Variants in C5AR2 observed in about 807,000 individuals in gnomAD.
C5AR2 encodes the protein C5a anaphylatoxin chemotactic receptor 2.
For synonymous variants in C5AR2, 224 were observed against 216.5 expected, an observed-to-expected ratio of 1.03 and a Z score of -0.30; for missense variants, 458 against 467.5, an observed-to-expected ratio of 0.98 and a Z score of 0.19.
chr19:47,341,121 C>A lies in C5AR2; in HGVS notation c.322C>A (p.Arg108=). Residue 108 remains arginine (R), a synonymous_variant, in exon 2 of 2, where the codon CGG becomes AGG. Coordinates refer to ENST00000595464, the MANE Select transcript of C5AR2 (RefSeq NM_001271749.2). This position sits in a 1 kb window ranked among gnomAD's most constrained non-coding sequence, Gnocchi z 4.6. ...CTGGCCGTATGGTGCAGTGGGCTGT[C>A]GGGCGCTGCCCTCCATCATCCTGCT... is the stretch of plus-strand genomic sequence containing the variant. ...GHWPYGAVGC[R]ALPSIILLTM... is the part of the protein sequence containing the mutation. 1 of 1,602,932 alleles carries A rather than the reference C, an allele frequency of 6.2e-7. No individual in the cohort carries two copies. The highest frequency in any genetic ancestry group is 8.5e-7 in the Non-Finnish European group (1 of 1,179,876).
In C5AR2 at chr19:47,342,693, T is replaced by C. The variant is rs564915341; in HGVS notation, c.*880T>C. On this transcript the variant is annotated 3_prime_UTR_variant, in exon 2 of 2. Transcript: ENST00000595464. ...ACCGCACCCGGCCAAAAGATTTTAATAGGATCCCTCTGGTTGCTGGTGGAG... is the reference window on the plus strand; with the variant it reads ...ACCGCACCCGGCCAAAAGATTTTAACAGGATCCCTCTGGTTGCTGGTGGAG... The C allele has an allele frequency of 6.6e-6, 1 of 152,640 alleles. No homozygotes were observed. The highest frequency in any genetic ancestry group is 6.6e-5 in the Admixed American group (1 of 15,254). The allele number at this position is 152,640 out of a possible 1,614,324, so 9.5% of individuals were successfully genotyped here.
chr19:47,332,763 A>G (rs1180688229), intron 1 of C5AR2, among the ~76,000 whole-genome samples: 1 of 152,062 alleles, frequency 6.6e-6, no homozygotes, highest in East Asian at 1.9e-4. Context: ...CATGTTGGTC[A>G]GGCTGGTCTC....
rs769740750 is a variant in C5AR2, at chr19:47,332,328, G to C, written c.-37G>C. ...CTCCCAAGTGGCGTTTGACTCACGTGGGGACACTCTTGGAAGAGACGGTAA... is the reference window on the plus strand; with the variant it reads ...CTCCCAAGTGGCGTTTGACTCACGTCGGGACACTCTTGGAAGAGACGGTAA... On this transcript the variant is annotated 5_prime_UTR_variant, in exon 1 of 2. Coordinates refer to ENST00000595464, the MANE Select transcript of C5AR2 (RefSeq NM_001271749.2). The C allele has an allele frequency of 6.6e-6, 1 of 152,160 alleles. No homozygotes were observed. The highest frequency in any genetic ancestry group is 1.5e-5 in the Non-Finnish European group (1 of 68,080). 9.4% of individuals were successfully genotyped at this position (152,160 alleles called of 1,614,324 possible).
At position 47,340,880 on chromosome 19, in the gene C5AR2, C is replaced by T. The variant is rs1969004064; in HGVS notation, c.81C>T (p.Ala27=). The T allele has an allele frequency of 1.9e-6, 3 of 1,613,512 alleles. No individual in the cohort carries two copies. Among genetic ancestry groups the T allele is most frequent in the Non-Finnish European group, 2.5e-6 (3 of 1,179,986 alleles). Residue 27 remains alanine, a synonymous_variant, in exon 2 of 2, where the codon GCC becomes GCT. Coordinates refer to ENST00000595464, the MANE Select transcript of C5AR2 (RefSeq NM_001271749.2). ...GCCCTGTGGACTGCCTGGATGGCGC[C>T]TGCCTGGCCATCGACCCGCTGCGCG... ...SDRPVDCLDG[A]CLAIDPLRVA...
At chr19:47,333,280 C>T (rs532867559) in intron 1 of C5AR2, among the ~76,000 whole-genome samples, 1 of 152,176 alleles carries the variant, frequency 6.6e-6, no homozygotes, top group African/African-American at 2.4e-5. Flanking sequence ...GCTGGGATTA[C>T]AGGCGTGAAT....
intron 1 of C5AR2, among the ~76,000 whole-genome samples, chr19:47,338,258 T>C (rs7257155): frequency 0.99 from 149,325 of 151,000 alleles, 73,847 homozygotes; most frequent in East Asian, 1. Flanking sequence ...GTTGGCAAGA[T>C]GGCGAGACCC....
At position 47,347,275 on chromosome 19, in the gene C5AR2, G is replaced by T. The variant is rs1011848583; in HGVS notation, c.*5462G>T. The T allele has an allele frequency of 6.6e-6, 1 of 151,648 alleles. No homozygotes were observed. The highest frequency in any genetic ancestry group is 2.1e-4 in the South Asian group (1 of 4,814). The allele number at this position is 151,648 out of a possible 1,614,324, so 9.4% of individuals were successfully genotyped here. A position where few individuals can be genotyped will look rare whatever the true frequency, so the allele number is the denominator to read the frequency against. Reference sequence around the variant, plus strand: ...GCTTTCTTGTTGATTTCCATTTGTTGTTCATTTCCTCCAATTTTCCTTTTT... The same window carrying T: ...GCTTTCTTGTTGATTTCCATTTGTTTTTCATTTCCTCCAATTTTCCTTTTT... On this transcript the variant is annotated 3_prime_UTR_variant, in exon 2 of 2. Coordinates refer to ENST00000595464, the MANE Select transcript of C5AR2 (RefSeq NM_001271749.2).
At chr19:47,340,656 C>T (rs184334766) in intron 1 of C5AR2, 129 bp from the exon 2 acceptor site, 3 of 811,590 alleles carry the variant, frequency 3.7e-6, no homozygotes, top group African/African-American at 1.7e-5. Flanking sequence ...TATTCTAAAG[C>T]ACTGGAGTCC....
Position 47,342,979 on chromosome 19 carries a change from A to G in C5AR2, c.*1166A>G, listed in dbSNP as rs1316226588. On this transcript the variant is annotated 3_prime_UTR_variant, in exon 2 of 2. Coordinates refer to ENST00000595464, the MANE Select transcript of C5AR2 (RefSeq NM_001271749.2). ...AGAATCATGACCCCCGGTGATGTCC[A>G]CATCTTAATCCCCTGAACCTGTGAA... 6.6e-6 allele frequency: 1 copy of G among 152,240 alleles called. No individual in the cohort carries two copies. Among genetic ancestry groups the G allele is most frequent in the African/African-American group, 2.4e-5 (1 of 41,464 alleles). 9.4% of individuals were successfully genotyped at this position (152,240 alleles called of 1,614,324 possible). A position where few individuals can be genotyped will look rare whatever the true frequency, so the allele number is the denominator to read the frequency against.
intron 1 of C5AR2, among the ~76,000 whole-genome samples, chr19:47,335,888 A>C (rs529072026): frequency 1.4e-5 from 2 of 148,098 alleles, no homozygotes; most frequent in East Asian, 4.2e-4. Flanking sequence ...GTGGACAGTG[A>C]TAACAGCAGC....
At chr19:47,338,124 T>C (rs927755338) in intron 1 of C5AR2, among the ~76,000 whole-genome samples, 6 of 151,242 alleles carry the variant, frequency 4.0e-5, no homozygotes, top group South Asian at 2.1e-4. Context: ...AGTGATACAG[T>C]GTTTAAAGCT....
At chr19:47,338,281 A>AT (rs2059366583) in intron 1 of C5AR2, among the ~76,000 whole-genome samples, 3 of 8,752 alleles carry the variant, frequency 3.4e-4, no homozygotes, top group East Asian at 4.2e-3. Flanking sequence ...TCTCTAAAAA[A>AT]AATATATATA....
intron 1 of C5AR2, among the ~76,000 whole-genome samples, chr19:47,338,514 T>C (rs910500667): frequency 4.0e-5 from 6 of 149,382 alleles, no homozygotes; most frequent in African/African-American, 1.2e-4. Context: ...ATAATAATAA[T>C]TTTATTATTA....
chr19:47,339,624 A>G (rs747614569), intron 1 of C5AR2, among the ~76,000 whole-genome samples: 5 of 151,282 alleles, frequency 3.3e-5, no homozygotes, highest in Non-Finnish European at 5.9e-5. Context: ...GCCCCTGATG[A>G]CTCTGCTATT....
intron 1 of C5AR2, among the ~76,000 whole-genome samples, chr19:47,334,818 A>G (rs2059351329): frequency 6.6e-6 from 1 of 151,882 alleles, no homozygotes; most frequent in South Asian, 2.1e-4. Context: ...TCACGGGCGT[A>G]GCCTACCTCA....
Position 47,345,838 on chromosome 19 carries a change from T to A in C5AR2, c.*4025T>A, listed in dbSNP as rs1969112234. 1 of 152,006 alleles carries A rather than the reference T, an allele frequency of 6.6e-6. No individual in the cohort carries two copies. The highest frequency in any genetic ancestry group is 2.4e-5 in the African/African-American group (1 of 41,392). 9.4% of individuals were successfully genotyped at this position (152,006 alleles called of 1,614,324 possible). A position where few individuals can be genotyped will look rare whatever the true frequency, so the allele number is the denominator to read the frequency against. On this transcript the variant is annotated 3_prime_UTR_variant, in exon 2 of 2. Transcript: ENST00000595464. The stretch of plus-strand genomic sequence containing the variant: ...GGCTCGGCTCGAATATTGGACCAAA[T>A]TGAGGACCAGCTAAAACAGGGAGGA...
rs767505747 is a variant in C5AR2, at chr19:47,340,909, C to A, written c.110C>A (p.Ala37Asp). The A allele has an allele frequency of 1.2e-6, 2 of 1,612,844 alleles. No individual in the cohort carries two copies. Among genetic ancestry groups the A allele is most frequent in the Non-Finnish European group, 1.7e-6 (2 of 1,179,930 alleles). ...ACLAIDPLRV[A>D]PLPLYAAIFL... The stretch of plus-strand genomic sequence containing the variant: ...CTGGCCATCGACCCGCTGCGCGTGG[C>A]CCCGCTCCCACTGTATGCCGCCATC... Residue 37 changes from alanine to aspartate, a missense_variant, in exon 2 of 2, where the codon GCC (alanine) becomes GAC (aspartate). Coordinates refer to ENST00000595464, the MANE Select transcript of C5AR2 (RefSeq NM_001271749.2).
chr19:47,336,883 A>G (rs1022997103), intron 1 of C5AR2, among the ~76,000 whole-genome samples: 1 of 152,072 alleles, frequency 6.6e-6, no homozygotes, highest in African/African-American at 2.4e-5. Flanking sequence ...CCGAATACAC[A>G]CACCAAGTGG....
In C5AR2 at chr19:47,341,824, C is replaced by T; in HGVS notation, c.*11C>T. On this transcript the variant is annotated 3_prime_UTR_variant, in exon 2 of 2. Coordinates refer to ENST00000595464, the MANE Select transcript of C5AR2 (RefSeq NM_001271749.2). The surrounding 1 kb of genome is among the most constrained non-coding windows in gnomAD (Gnocchi z 4.6). ...GAGATGGAGGTGTAGGCTGGAGAGA[C>T]ATTGTGGGTGTGTATCTTCTTATCT... The T allele has an allele frequency of 6.2e-7, 1 of 1,610,820 alleles. No individual in the cohort carries two copies. The highest frequency in any genetic ancestry group is 8.5e-7 in the Non-Finnish European group (1 of 1,177,940).
Sources: allele counts gnomAD v4.1 joint callset (sites outside exome capture counted in the v4.1 genomes callset), GRCh38; gene constraint gnomAD v4.1.1; non-coding constraint Gnocchi (gnomAD v3.1); transcripts MANE v1.5; gene names NCBI Gene and HGNC (gene_info 2026-07-23, HGNC 2026-07-21).